CLASP1: variants seen among roughly 807,000 people sequenced by gnomAD.
CLASP1 encodes the protein cytoplasmic linker associated protein 1.
Under a neutral mutation model 192.3 loss-of-function variants are expected in CLASP1, and 38 were observed. The observed-to-expected ratio is 0.20, with a 90% CI of 0.15 to 0.26. CLASP1 has a LOEUF of 0.26. Among genes scored for constraint, CLASP1 ranks in the 10% least tolerant of loss-of-function variants. The probability of loss-of-function intolerance (pLI) is 1.00; values close to 1 mark genes in which losing one functional copy is unlikely to be tolerated. For synonymous variants in CLASP1, 691 were observed against 712.8 expected, an observed-to-expected ratio of 0.97 and a Z score of 0.49; for missense variants, 1,433 against 1,932.5, an observed-to-expected ratio of 0.74 and a Z score of 4.85.
At chr2:121,637,738 T>G (rs937391014) in intron 1 of CLASP1, among the ~76,000 whole-genome samples, 18 of 151,860 alleles carry the variant, frequency 1.2e-4, no homozygotes, top group Admixed American at 3.3e-4. Context: ...ATACAAAAAT[T>G]AGCCAGGAAT....
chr2:121,493,100 C>G (rs562635343), intron 8 of CLASP1, among the ~76,000 whole-genome samples: 1 of 152,294 alleles, frequency 6.6e-6, no homozygotes, highest in East Asian at 1.9e-4. Context: ...AACATAATCC[C>G]TATCAAATGC....
chr2:121,569,233 T>G (rs2059774109), intron 2 of CLASP1, among the ~76,000 whole-genome samples: 1 of 152,182 alleles, frequency 6.6e-6, no homozygotes, highest in Non-Finnish European at 1.5e-5. Context: ...CTATTTTAGC[T>G]AGGGACGTCA....
chr2:121,616,629 TA>T lies in CLASP1; in HGVS notation c.-285-10450del, dbSNP rs1220278010. On this transcript the variant is annotated intron_variant, in intron 1 of 39. Transcript: ENST00000263710. ...CACTAAGTCAGCATATTTCTATCAA[TA>T]AGACAATCTTTTCTGTATTAGGATG... Among the ~76,000 whole-genome samples the T allele has an allele frequency of 7.9e-5, 12 of 152,334 alleles. No individual in the cohort carries two copies. The South Asian group carries it at 2.5e-3, about 32-fold the overall frequency.
chr2:121,521,441 T>C (rs527515271), intron 6 of CLASP1, among the ~76,000 whole-genome samples: 259 of 152,270 alleles, frequency 1.7e-3, no homozygotes, highest in Non-Finnish European at 3.1e-3. Context: ...TGCTGAGAGC[T>C]CTAGGAGGCA....
chr2:121,431,444 T>C (rs2081375643), intron 19 of CLASP1, among the ~76,000 whole-genome samples: 1 of 152,256 alleles, frequency 6.6e-6, no homozygotes, highest in East Asian at 1.9e-4. Flanking sequence ...GTGACACTAC[T>C]GGTCTAGATA....
intron 7 of CLASP1, among the ~76,000 whole-genome samples, chr2:121,510,201 T>C (rs1000673987): frequency 2.0e-5 from 3 of 151,946 alleles, no homozygotes; most frequent in African/African-American, 7.2e-5. Flanking sequence ...AAAGTAAAGA[T>C]TAGAGTGAAA....
intron 6 of CLASP1, 72 bp downstream of exon 6, chr2:121,525,773 T>A: frequency 4.8e-6 from 5 of 1,034,390 alleles, no homozygotes; most frequent in Non-Finnish European, 7.5e-6. Flanking sequence ...TCCCACCCAC[T>A]ACGGAACACC....
intron 31 of CLASP1, 106 bp from the exon 33 acceptor site, chr2:121,387,334 G>A: frequency 5.1e-6 from 4 of 791,796 alleles, no homozygotes; most frequent in South Asian, 2.5e-5. Context: ...GGTAGAATCT[G>A]CCCAGGATGG....
intron 13 of CLASP1, among the ~76,000 whole-genome samples, chr2:121,458,079 T>G (rs1358567194): frequency 6.6e-6 from 1 of 152,186 alleles, no homozygotes; most frequent in Non-Finnish European, 1.5e-5. Flanking sequence ...CCAATATATT[T>G]TGATACTATT....
chr2:121,597,344 T>A (rs2063258601), intron 2 of CLASP1, among the ~76,000 whole-genome samples: 1 of 152,196 alleles, frequency 6.6e-6, no homozygotes, highest in African/African-American at 2.4e-5. Context: ...ATCATTATTA[T>A]TGTACAGTAT....
At chr2:121,419,455 C>A (rs142744240) in intron 22 of CLASP1, among the ~76,000 whole-genome samples, 7 of 152,292 alleles carry the variant, frequency 4.6e-5, no homozygotes, top group East Asian at 1.9e-4. Flanking sequence ...CTGTGCTCTA[C>A]CAAGCACCAC....
At chr2:121,409,626 G>T (rs1234427162) in intron 24 of CLASP1, among the ~76,000 whole-genome samples, 1 of 152,130 alleles carries the variant, frequency 6.6e-6, no homozygotes, top group Non-Finnish European at 1.5e-5. Flanking sequence ...AAATTTCCCT[G>T]CCTTAAGTGG....
At chr2:121,447,574 C>T in intron 18 of CLASP1, 67 bp from the exon 19 acceptor site, 8 of 1,312,126 alleles carry the variant, frequency 6.1e-6, no homozygotes, top group Non-Finnish European at 7.3e-6. Flanking sequence ...TTGCTAAAAT[C>T]TGATGTTGTT....
chr2:121,516,890 G>A (rs1329258262), intron 6 of CLASP1, among the ~76,000 whole-genome samples: 4 of 152,188 alleles, frequency 2.6e-5, no homozygotes, highest in South Asian at 2.1e-4. Context: ...TTAGCCGGGC[G>A]TGGTGGTGCA....
At chr2:121,363,413 C>A in intron 36 of CLASP1, 113 bp from the exon 38 acceptor site, 1 of 1,237,396 alleles carries the variant, frequency 8.1e-7, no homozygotes. Flanking sequence ...CCTGGAACCT[C>A]GCAGAACCCT....
At chr2:121,554,597 A>G (rs2058366161) in intron 2 of CLASP1, among the ~76,000 whole-genome samples, 1 of 152,100 alleles carries the variant, frequency 6.6e-6, no homozygotes, top group African/African-American at 2.4e-5. Context: ...ACCACTGCAT[A>G]CCTGCCTGAC....
At chr2:121,531,148 T>C (rs1008466561) in intron 2 of CLASP1, 8 of 614,338 alleles carry the variant, frequency 1.3e-5, no homozygotes, top group African/African-American at 5.5e-5. Flanking sequence ...GTTTTTGCGG[T>C]GATTAAACGG....
At chr2:121,364,933 A>G (rs2067096265) in intron 36 of CLASP1, 161 bp downstream of exon 37, 2 of 723,976 alleles carry the variant, frequency 2.8e-6, no homozygotes, top group Non-Finnish European at 4.7e-6. Context: ...TGACCTTACT[A>G]AACGTGCTCA....
chr2:121,413,900 T>C (rs1414681880), intron 23 of CLASP1, among the ~76,000 whole-genome samples: 11 of 152,190 alleles, frequency 7.2e-5, no homozygotes. Flanking sequence ...TACTTCCCTG[T>C]TGTTTTAACG....
Sources: allele counts gnomAD v4.1 joint callset (sites outside exome capture counted in the v4.1 genomes callset), GRCh38; gene constraint gnomAD v4.1.1; transcripts MANE v1.5; gene names NCBI Gene and HGNC (gene_info 2026-07-23, HGNC 2026-07-21).